Variants in UMAD1 observed in about 807,000 individuals in gnomAD.
UMAD1 encodes UBAP1-MVB12-associated (UMA) domain containing 1.
UMAD1 carries 8 observed loss-of-function variants against 6.1 expected under a neutral mutation model. The observed-to-expected ratio is 1.30, with a 90% CI of 0.76 to 2.35. The LOEUF (loss-of-function observed/expected upper bound fraction) is 2.35. UMAD1 is among the 30% of genes most tolerant of loss of function. UMAD1 has a pLI of 0.00. For synonymous variants in UMAD1, 56 were observed against 31.4 expected, an observed-to-expected ratio of 1.78 and a Z score of -2.61; for missense variants, 130 against 78.4, an observed-to-expected ratio of 1.66 and a Z score of -2.49.
intron 3 of UMAD1, among the ~76,000 whole-genome samples, chr7:7,849,956 A>G (rs1388344865): frequency 6.6e-6 from 1 of 152,134 alleles, no homozygotes; most frequent in Non-Finnish European, 1.5e-5. Context: ...TTAAAATATG[A>G]TGCCTTTTCA....
intron 2 of UMAD1, among the ~76,000 whole-genome samples, chr7:7,714,055 A>G (rs961611780): frequency 6.6e-6 from 1 of 152,148 alleles, no homozygotes; most frequent in African/African-American, 2.4e-5. Context: ...ATGTTTTAAG[A>G]TTTCCAAAAA....
intron 2 of UMAD1, among the ~76,000 whole-genome samples, chr7:7,800,458 A>G (rs1020874334): frequency 5.9e-5 from 9 of 152,130 alleles, no homozygotes; most frequent in East Asian, 3.9e-4. Context: ...TTTTATTGCA[A>G]TAGGTTTTGG....
At position 7,661,921 on chromosome 7, in the gene UMAD1, C is replaced by T. The variant is rs1227718071; in HGVS notation, c.-63-11388C>T. On this transcript the variant is annotated intron_variant, in intron 1 of 3. Transcript: ENST00000682710. ...GCTGCACCCACAGCTGCCCCTTCCC[C>T]CGAGGTGCTCTGTCCCTGGGAGATG... Among the ~76,000 whole-genome samples, 9 of 152,318 alleles carry T rather than the reference C, an allele frequency of 5.9e-5. No homozygotes were observed. In the East Asian group the frequency reaches 1.7e-3, roughly 29 times the overall value.
At chr7:7,744,681 T>C (rs1403735987) in intron 2 of UMAD1, among the ~76,000 whole-genome samples, 1 of 151,992 alleles carries the variant, frequency 6.6e-6, no homozygotes, top group Non-Finnish European at 1.5e-5. Context: ...TGATGGCTAA[T>C]GATGTTTTCG....
At chr7:7,754,635 C>T (rs1325538704) in intron 2 of UMAD1, among the ~76,000 whole-genome samples, 2 of 152,176 alleles carry the variant, frequency 1.3e-5, no homozygotes, top group Non-Finnish European at 2.9e-5. Flanking sequence ...AACAAATATA[C>T]TGATTTTTAA....
In UMAD1 at chr7:7,796,244, C is replaced by CTTTTTTTTTTTTTTTTTTTTTTT. The variant is rs59221325; in HGVS notation, c.83-5424_83-5402dup. ...ACTTTGACCCATTTCTATTTTCTTT[C>CTTTTTTTTTTTTTTTTTTTTTTT]TTTTTTTTTTTTTTTTTTTTTTTTG... On this transcript the variant is annotated intron_variant, in intron 2 of 3. Coordinates refer to ENST00000682710, the MANE Select transcript of UMAD1 (RefSeq NM_001302348.2). Among the ~76,000 whole-genome samples the CTTTTTTTTTTTTTTTTTTTTTTT allele has an allele frequency of 1.1e-3, 70 of 63,948 alleles. 13 individuals carry two copies. Among genetic ancestry groups the CTTTTTTTTTTTTTTTTTTTTTTT allele is most frequent in the African/African-American group, 6.1e-3 (62 of 10,242 alleles). The allele number at this position is 63,948 out of a possible 152,430, so 42.0% of individuals were successfully genotyped here.
chr7:7,741,796 C>A (rs1781473875), intron 2 of UMAD1, among the ~76,000 whole-genome samples: 1 of 151,782 alleles, frequency 6.6e-6, no homozygotes. Flanking sequence ...GAAAAACCTG[C>A]ATTTCTTCAT....
intron 1 of UMAD1, among the ~76,000 whole-genome samples, chr7:7,642,900 G>A (rs1203346858): frequency 6.6e-6 from 1 of 152,152 alleles, no homozygotes; most frequent in Non-Finnish European, 1.5e-5. Context: ...TAAATGGTAT[G>A]TTGTTTAATA....
intron 2 of UMAD1, chr7:7,736,146 AG>A (rs1327919882): frequency 6.6e-6 from 1 of 152,270 alleles, no homozygotes; most frequent in Non-Finnish European, 1.5e-5. Context: ...TCCTGGTTGT[AG>A]TAAGAATTTT....
At chr7:7,705,389 A>G (rs1325807741) in intron 2 of UMAD1, among the ~76,000 whole-genome samples, 2 of 152,242 alleles carry the variant, frequency 1.3e-5, no homozygotes, top group Admixed American at 6.5e-5. Flanking sequence ...GTAATTTTAC[A>G]TGTTCTAAAA....
At chr7:7,796,804 A>T (rs1302397828) in intron 2 of UMAD1, among the ~76,000 whole-genome samples, 1 of 151,994 alleles carries the variant, frequency 6.6e-6, no homozygotes, top group Non-Finnish European at 1.5e-5. Flanking sequence ...CTGCCCCATG[A>T]CTTCACCCCA....
chr7:7,746,816 T>C (rs1326218432), intron 2 of UMAD1, among the ~76,000 whole-genome samples: 1 of 152,214 alleles, frequency 6.6e-6, no homozygotes, highest in Non-Finnish European at 1.5e-5. Context: ...CAAACACAAC[T>C]TGAGAATGCC....
chr7:7,715,861 G>A (rs973306792), intron 2 of UMAD1, among the ~76,000 whole-genome samples: 7 of 152,112 alleles, frequency 4.6e-5, no homozygotes, highest in Non-Finnish European at 8.8e-5. Context: ...AAATAGTATC[G>A]TGATAGCATA....
At chr7:7,747,699 A>G (rs1781598713) in intron 2 of UMAD1, among the ~76,000 whole-genome samples, 1 of 152,168 alleles carries the variant, frequency 6.6e-6, no homozygotes, top group East Asian at 1.9e-4. Context: ...TGAGTCCACT[A>G]GGTCAGGGTT....
chr7:7,708,292 C>T (rs1780656806), intron 2 of UMAD1, among the ~76,000 whole-genome samples: 1 of 152,126 alleles, frequency 6.6e-6, no homozygotes, highest in African/African-American at 2.4e-5. Context: ...CTCCCTTTCA[C>T]CCTTGGTTTA....
chr7:7,846,712 T>A lies in UMAD1; in HGVS notation c.157-30569T>A, dbSNP rs369839696. 3.3e-5 allele frequency among the ~76,000 whole-genome samples: 5 copies of A among 152,202 alleles called. No homozygotes were observed. In the East Asian group the frequency reaches 9.6e-4, roughly 29 times the overall value. ...GATTGTCGAAACCAATACTTTTCAATAATAACTCTTCCAGAATTTCAAATA... is the reference window on the plus strand; with the variant it reads ...GATTGTCGAAACCAATACTTTTCAAAAATAACTCTTCCAGAATTTCAAATA... On this transcript the variant is annotated intron_variant, in intron 3 of 3. Coordinates refer to ENST00000682710, the MANE Select transcript of UMAD1 (RefSeq NM_001302348.2).
At chr7:7,812,694 G>A (rs1056876480) in intron 3 of UMAD1, among the ~76,000 whole-genome samples, 2 of 151,660 alleles carry the variant, frequency 1.3e-5, no homozygotes, top group African/African-American at 4.8e-5. Context: ...TAGTCACCTT[G>A]TTGTCATTGT....
chr7:7,800,560 CCCAAAGT>C (rs1782779483), intron 2 of UMAD1, among the ~76,000 whole-genome samples: 1 of 152,020 alleles, frequency 6.6e-6, no homozygotes, highest in Non-Finnish European at 1.5e-5. Context: ...GTACACTATA[CCCAAAGT>C]ATAGTCTTTT....
chr7:7,709,329 G>A (rs2115167130), intron 2 of UMAD1, among the ~76,000 whole-genome samples: 1 of 152,254 alleles, frequency 6.6e-6, no homozygotes, highest in African/African-American at 2.4e-5. Context: ...TCAATTGTGG[G>A]TCGTCATTAA....
Sources: allele counts gnomAD v4.1 joint callset (sites outside exome capture counted in the v4.1 genomes callset), GRCh38; gene constraint gnomAD v4.1.1; transcripts MANE v1.5; gene names NCBI Gene and HGNC (gene_info 2026-07-23, HGNC 2026-07-21).